Variants in SH3RF1 observed in about 807,000 individuals in gnomAD.
SH3RF1 encodes the protein SH3 domain containing ring finger 1.
A neutral mutation model predicts 74.0 loss-of-function variants in SH3RF1; 32 were observed. The ratio of observed to expected loss-of-function variants is 0.43; its 90% confidence interval spans 0.33 to 0.58. The LOEUF (loss-of-function observed/expected upper bound fraction) is 0.58. SH3RF1 is among the 20% of genes least tolerant of loss of function. SH3RF1 has a pLI of 0.05. For synonymous variants in SH3RF1, 396 were observed against 439.6 expected (o/e 0.90, Z 1.24); for missense variants, 954 against 1,130.9 (o/e 0.84, Z 2.24).
rs1732878941 is a variant in SH3RF1, at chr4:169,094,449, A to C, written c.*2070T>G. 1 of 152,174 alleles carries C rather than the reference A, an allele frequency of 6.6e-6. No individual in the cohort carries two copies. The highest frequency in any genetic ancestry group is 2.4e-5 in the African/African-American group (1 of 41,448). 9.4% of individuals were successfully genotyped at this position (152,174 alleles called of 1,614,324 possible). A position where few individuals can be genotyped will look rare whatever the true frequency, so the allele number is the denominator to read the frequency against. ...CATACATTATATTACCTAATGATCTATTAACAGATGAAATTTTAACCAACT... is the reference window on the plus strand; with the variant it reads ...CATACATTATATTACCTAATGATCTCTTAACAGATGAAATTTTAACCAACT... On this transcript the variant is annotated 3_prime_UTR_variant, in exon 12 of 12. Transcript: ENST00000284637.
At chr4:169,216,860 G>C (rs1232505230) in intron 2 of SH3RF1, among the ~76,000 whole-genome samples, 1 of 151,812 alleles carries the variant, frequency 6.6e-6, no homozygotes, top group Non-Finnish European at 1.5e-5. Context: ...TTTTTAAAAA[G>C]TGAGTTTGGG....
intron 2 of SH3RF1, among the ~76,000 whole-genome samples, chr4:169,264,305 T>A (rs1253750015): frequency 6.6e-6 from 1 of 152,124 alleles, no homozygotes; most frequent in Non-Finnish European, 1.5e-5. Flanking sequence ...TGCATCCTCA[T>A]CTCCTCTTCT....
chr4:169,163,795 G>T (rs1734189679), intron 2 of SH3RF1, among the ~76,000 whole-genome samples: 2 of 152,104 alleles, frequency 1.3e-5, no homozygotes, highest in African/African-American at 4.8e-5. Flanking sequence ...ATCGAGAACA[G>T]TCCATTTCTC....
chr4:169,180,538 T>C (rs1734492368), intron 2 of SH3RF1, among the ~76,000 whole-genome samples: 1 of 152,260 alleles, frequency 6.6e-6, no homozygotes, highest in Non-Finnish European at 1.5e-5. Context: ...CCGTTTAGTA[T>C]GCAGACTAAC....
chr4:169,262,961 A>T (rs544246173), intron 2 of SH3RF1, among the ~76,000 whole-genome samples: 61 of 152,292 alleles, frequency 4.0e-4, no homozygotes, highest in African/African-American at 1.4e-3. Context: ...TAAGAGGTCA[A>T]GCATGCAACA....
intron 5 of SH3RF1, among the ~76,000 whole-genome samples, chr4:169,131,905 C>T (rs887714142): frequency 6.6e-6 from 1 of 152,188 alleles, no homozygotes; most frequent in South Asian, 2.1e-4. Context: ...GTTGCTTTCC[C>T]CAACTACTGA....
At chr4:169,230,478 C>G (rs2706735) in intron 2 of SH3RF1, among the ~76,000 whole-genome samples, 71,030 of 151,968 alleles carry the variant, frequency 0.47, 17,847 homozygotes, top group East Asian at 0.78. Context: ...CTTTAGTTTT[C>G]ATTTGTTTTT....
chr4:169,245,109 T>C (rs1178303735), intron 2 of SH3RF1, among the ~76,000 whole-genome samples: 21 of 152,126 alleles, frequency 1.4e-4, no homozygotes, highest in African/African-American at 5.1e-4. Context: ...AAATCCTAAA[T>C]TGGTCTAGAT....
At chr4:169,229,922 T>G (rs1730707485) in intron 2 of SH3RF1, among the ~76,000 whole-genome samples, 1 of 152,168 alleles carries the variant, frequency 6.6e-6, no homozygotes, top group African/African-American at 2.4e-5. Context: ...AAAACAATGC[T>G]TGGCCAGGCG....
chr4:169,215,841 T>C (rs961975921), intron 2 of SH3RF1, among the ~76,000 whole-genome samples: 2 of 152,120 alleles, frequency 1.3e-5, no homozygotes, highest in East Asian at 3.9e-4. Flanking sequence ...TCTCACTTCA[T>C]CGCACAGGCT....
At chr4:169,202,156 ATGGAAG>A (rs932078334) in intron 2 of SH3RF1, among the ~76,000 whole-genome samples, 1 of 152,132 alleles carries the variant, frequency 6.6e-6, no homozygotes, top group Non-Finnish European at 1.5e-5. Context: ...CTGAGTTGCA[ATGGAAG>A]TACTTATTCA....
At chr4:169,240,716 T>C (rs183740394) in intron 2 of SH3RF1, among the ~76,000 whole-genome samples, 1 of 152,302 alleles carries the variant, frequency 6.6e-6, no homozygotes, top group South Asian at 2.1e-4. Context: ...GTGAGAATAT[T>C]TGAAATCTAC....
chr4:169,096,226 A>C lies in SH3RF1; in HGVS notation c.*293T>G. On this transcript the variant is annotated 3_prime_UTR_variant, in exon 12 of 12. Transcript: ENST00000284637. ...GCAAATAAATTAGTTAAGCCTTGTA[A>C]ACAATTGTCCATTTTAGTCATATAT... 2 of 281,564 alleles carry C rather than the reference A, an allele frequency of 7.1e-6. No homozygotes were observed. Among genetic ancestry groups the C allele is most frequent in the Non-Finnish European group, 6.5e-6 (1 of 153,362 alleles). 17.4% of individuals were successfully genotyped at this position (281,564 alleles called of 1,614,324 possible). A position where few individuals can be genotyped will look rare whatever the true frequency, so the allele number is the denominator to read the frequency against.
At chr4:169,168,733 C>A (rs1561042911) in intron 2 of SH3RF1, among the ~76,000 whole-genome samples, 1 of 152,232 alleles carries the variant, frequency 6.6e-6, no homozygotes, top group African/African-American at 2.4e-5. Context: ...TTTGGTTCTG[C>A]CCAAAGGCAA....
intron 5 of SH3RF1, among the ~76,000 whole-genome samples, chr4:169,135,288 T>G (rs946418634): frequency 5.9e-5 from 9 of 152,336 alleles, no homozygotes; most frequent in Middle Eastern, 3.4e-3. Flanking sequence ...GAATGTAAAC[T>G]TTTTGAGGAC....
intron 2 of SH3RF1, among the ~76,000 whole-genome samples, chr4:169,209,886 C>G (rs1288540877): frequency 6.6e-6 from 1 of 152,080 alleles, no homozygotes; most frequent in African/African-American, 2.4e-5. Flanking sequence ...ACCTCTCAGG[C>G]TCAAGCGATC....
At chr4:169,194,855 T>A (rs975198200) in intron 2 of SH3RF1, among the ~76,000 whole-genome samples, 9 of 152,206 alleles carry the variant, frequency 5.9e-5, no homozygotes, top group African/African-American at 1.4e-4. Context: ...ACTTTGTGGG[T>A]ATAGTGGTTT....
At chr4:169,161,635 C>T (rs528655283) in intron 2 of SH3RF1, among the ~76,000 whole-genome samples, 10 of 152,270 alleles carry the variant, frequency 6.6e-5, no homozygotes, top group African/African-American at 1.9e-4. Context: ...TTTCTTACTG[C>T]TCCATAAAGT....
Position 169,130,133 on chromosome 4 carries a change from T to G in SH3RF1, c.1092A>C (p.Leu364Phe). 8.8e-6 allele frequency: 14 copies of G among 1,599,716 alleles called. No homozygotes were observed. Among genetic ancestry groups the G allele is most frequent in the Non-Finnish European group, 1.2e-5 (14 of 1,175,516 alleles). ...GGCTGCTTGGGGGCGGGGTCACAAT[T>G]AACCCGGTGGTACTTATATGAACCT... ...PSQVHISTTG[L>F]IVTPPPSSPV... The change falls in exon 6 of 12, where the codon TTA becomes TTC. Residue 364 changes from leucine (L) to phenylalanine (F), a missense_variant. Leu to Phe is a conservative substitution (Grantham distance 22, BLOSUM62 0). This residue lies in a region of SH3RF1 where 854 missense variants were observed against 962.5 expected (regional missense o/e 0.89). Coordinates refer to ENST00000284637, the MANE Select transcript of SH3RF1 (RefSeq NM_020870.4).
Sources: gnomAD v4.1 joint callset for allele counts (sites outside exome capture counted in the v4.1 genomes callset) on GRCh38, gnomAD v4.1.1 for gene constraint, gnomAD v4.1.1 regional missense constraint, MANE v1.5 for transcripts, NCBI Gene and HGNC (gene_info 2026-07-23, HGNC 2026-07-21) for gene names.